Variants in FAP observed in about 807,000 individuals in gnomAD.
FAP encodes fibroblast activation protein alpha.
In FAP, 110 loss-of-function variants were observed where a neutral mutation model predicts 126.5. The observed-to-expected ratio is 0.87, with a 90% CI of 0.74 to 1.02. The LOEUF is 1.02. FAP is among the 50% of genes least tolerant of loss of function. The probability of loss-of-function intolerance (pLI) is 0.00; values close to 1 mark genes in which losing one functional copy is unlikely to be tolerated. For synonymous variants in FAP, 334 were observed against 297.3 expected (o/e 1.12, Z -1.27); for missense variants, 919 against 909.2 (o/e 1.01, Z -0.14).
At chr2:162,197,912 A>G (rs571025451) in intron 16 of FAP, among the ~76,000 whole-genome samples, 7 of 152,354 alleles carry the variant, frequency 4.6e-5, no homozygotes, top group Admixed American at 2.0e-4. Context: ...GGTGACAGAG[A>G]TTGGAGAATT....
rs569791471 is a variant in FAP, at chr2:162,205,518, A to AT, written c.1048-2374dup. Among the ~76,000 whole-genome samples, 4 of 150,846 alleles carry AT rather than the reference A, an allele frequency of 2.7e-5. No homozygotes were observed. The East Asian group carries it at 5.8e-4, about 22-fold the overall frequency. On this transcript the variant is annotated intron_variant, in intron 12 of 25. Coordinates refer to ENST00000188790, the MANE Select transcript of FAP (RefSeq NM_004460.5). ...CTCTTATAATGTCTCCCTTTTTTTTATTTTTTTATTTTTTATGGAGTTTCG... is the reference window on the plus strand; with the variant it reads ...CTCTTATAATGTCTCCCTTTTTTTTATTTTTTTTATTTTTTATGGAGTTTCG...
chr2:162,205,542 C>T (rs1199780463), intron 12 of FAP, among the ~76,000 whole-genome samples: 4 of 151,332 alleles, frequency 2.6e-5, no homozygotes, highest in Non-Finnish European at 5.9e-5. Flanking sequence ...TATGGAGTTT[C>T]GTTCTTGTTG....
rs13400717 is a variant in FAP at position 162,179,802 on chromosome 2, A to C, written c.1869+3612T>G. Among the ~76,000 whole-genome samples, 493 of 133,492 alleles carry C rather than the reference A, an allele frequency of 3.7e-3. 2 individuals are homozygous for C. Among genetic ancestry groups the C allele is most frequent in the African/African-American group, 0.012 (376 of 32,282 alleles). The allele number at this position is 133,492 out of a possible 152,430, so 87.6% of individuals were successfully genotyped here. ...TCTATCTATCTATCTATATATATAT[A>C]TATATATATATTTTTTTTTTTTTTG... On this transcript the variant is annotated intron_variant, in intron 21 of 25. Coordinates refer to ENST00000188790, the MANE Select transcript of FAP (RefSeq NM_004460.5).
At chr2:162,172,585 T>C (rs937013310) in intron 25 of FAP, 11 of 478,596 alleles carry the variant, frequency 2.3e-5, no homozygotes, top group Non-Finnish European at 2.6e-5. Flanking sequence ...GTGAACTCCT[T>C]TATTTTACAT....
intron 2 of FAP, among the ~76,000 whole-genome samples, chr2:162,239,047 T>C (rs1163495934): frequency 6.6e-6 from 1 of 152,204 alleles, no homozygotes; most frequent in Admixed American, 6.5e-5. Context: ...TACATATGTA[T>C]ATACATATTC....
chr2:162,173,261 G>A, intron 23 of FAP, 40 bp from the exon 24 acceptor site: 3 of 1,464,904 alleles, frequency 2.0e-6, no homozygotes, highest in Non-Finnish European at 2.9e-6. Context: ...GTTGCTGCAA[G>A]TTCTAATAGA....
chr2:162,228,414 C>G (rs1482559696), intron 2 of FAP, among the ~76,000 whole-genome samples: 3 of 152,066 alleles, frequency 2.0e-5, no homozygotes, highest in Non-Finnish European at 4.4e-5. Flanking sequence ...GTAGTAAGAG[C>G]AAAATAATAA....
At chr2:162,208,607 C>G (rs982373580) in intron 12 of FAP, among the ~76,000 whole-genome samples, 1 of 152,038 alleles carries the variant, frequency 6.6e-6, no homozygotes, top group Non-Finnish European at 1.5e-5. Context: ...TTCTTCCCTT[C>G]GTTCTTTACT....
intron 2 of FAP, among the ~76,000 whole-genome samples, chr2:162,230,202 T>A (rs2106293612): frequency 6.6e-6 from 1 of 152,300 alleles, no homozygotes; most frequent in African/African-American, 2.4e-5. Context: ...TGACCACGTG[T>A]TCATAAACAC....
At chr2:162,222,825 C>T (rs1027076861) in intron 6 of FAP, among the ~76,000 whole-genome samples, 2 of 152,270 alleles carry the variant, frequency 1.3e-5, no homozygotes, top group Admixed American at 1.3e-4. Context: ...CCCAACCTTA[C>T]ACCACCTCCT....
chr2:162,217,910 C>T, intron 9 of FAP, 76 bp downstream of exon 9: 1 of 1,191,950 alleles, frequency 8.4e-7, no homozygotes, highest in Non-Finnish European at 1.2e-6. Flanking sequence ...TTGTTGATCC[C>T]ACCTTTACTC....
At position 162,213,424 on chromosome 2, in the gene FAP, C is replaced by CA. The variant is rs372977213; in HGVS notation, c.1002+513dup. On this transcript the variant is annotated intron_variant, in intron 11 of 25. Coordinates refer to ENST00000188790, the MANE Select transcript of FAP (RefSeq NM_004460.5). Reference sequence around the variant, plus strand: ...ACAAACAAAAAAAACAAAAAACAAACAAAAAAAAAAACAGAATATCTGGCT... The same window carrying CA: ...ACAAACAAAAAAAACAAAAAACAAACAAAAAAAAAAAACAGAATATCTGGCT... Among the ~76,000 whole-genome samples, 933 of 141,396 alleles carry CA rather than the reference C, an allele frequency of 6.6e-3. 4 individuals are homozygous for CA. Among genetic ancestry groups the CA allele is most frequent in the East Asian group, 0.015 (75 of 4,912 alleles). 92.8% of individuals were successfully genotyped at this position (141,396 alleles called of 152,430 possible).
chr2:162,196,044 G>A (rs966283909), intron 16 of FAP, among the ~76,000 whole-genome samples: 2 of 152,132 alleles, frequency 1.3e-5, no homozygotes, highest in African/African-American at 4.8e-5. Flanking sequence ...ACATGCTTTT[G>A]ATCCGTTCCT....
At position 162,229,810 on chromosome 2, in the gene FAP, T is replaced by G. The variant is rs1576194622; in HGVS notation, c.92-3189A>C. 2.0e-5 allele frequency among the ~76,000 whole-genome samples: 3 copies of G among 152,114 alleles called. 1 individual carries two copies. The South Asian group carries it at 6.2e-4, about 32-fold the overall frequency. ...TAGCAATTAATTTTATATGAGTGCA[T>G]AGTAGCTATAAATGCCAACAATCGA... On this transcript the variant is annotated intron_variant, in intron 2 of 25. Transcript: ENST00000188790.
intron 14 of FAP, among the ~76,000 whole-genome samples, chr2:162,202,562 T>A (rs1688537755): frequency 6.6e-6 from 1 of 152,240 alleles, no homozygotes; most frequent in Admixed American, 6.5e-5. Context: ...TTTTGAAACT[T>A]GTTCATTGCT....
At chr2:162,218,175 A>T in intron 8 of FAP, 35 bp from the exon 9 acceptor site, 1 of 1,376,934 alleles carries the variant, frequency 7.3e-7, no homozygotes. Context: ...AACTATAATT[A>T]CATCTTACTC....
At chr2:162,215,391 A>G in intron 10 of FAP, among the ~76,000 whole-genome samples, 1 of 152,226 alleles carries the variant, frequency 6.6e-6, no homozygotes, top group African/African-American at 2.4e-5. Context: ...GACATAGGGC[A>G]TCATGCTGGG....
chr2:162,171,213 T>C, intron 25 of FAP, 133 bp from the exon 26 acceptor site: 1 of 608,546 alleles, frequency 1.6e-6, no homozygotes, highest in East Asian at 2.8e-5. Flanking sequence ...CTCAAATAAG[T>C]AAAATAGCTT....
intron 6 of FAP, among the ~76,000 whole-genome samples, chr2:162,223,359 A>G (rs998303036): frequency 2.0e-5 from 3 of 152,182 alleles, no homozygotes; most frequent in African/African-American, 4.8e-5. Flanking sequence ...CTGATCTTCA[A>G]AAACAGAAAA....
Sources: allele counts gnomAD v4.1 joint callset (sites outside exome capture counted in the v4.1 genomes callset), GRCh38; gene constraint gnomAD v4.1.1; transcripts MANE v1.5; gene names NCBI Gene and HGNC (gene_info 2026-07-23, HGNC 2026-07-21).